HABP4: variants seen among roughly 807,000 people sequenced by gnomAD.
HABP4 encodes hyaluronan binding protein 4.
HABP4 carries 32 observed loss-of-function variants against 44.1 expected under a neutral mutation model. That is an observed-to-expected ratio of 0.73 (90% confidence interval 0.55 to 0.97). The LOEUF (loss-of-function observed/expected upper bound fraction) is 0.97. Ranked by LOEUF, HABP4 falls within the 50% of genes least tolerant of loss-of-function variation. The pLI, the probability that HABP4 is intolerant of heterozygous loss-of-function variation, is 0.00. For missense variants in HABP4, 503 were observed against 561.9 expected (o/e 0.90, Z 1.06); for synonymous variants, 216 against 218.0 (o/e 0.99, Z 0.08).
intron 1 of HABP4, among the ~76,000 whole-genome samples, chr9:96,451,695 A>G (rs76610907): frequency 1.3e-5 from 2 of 152,340 alleles, no homozygotes; most frequent in African/African-American, 2.4e-5. Context: ...ATCCAGAGTC[A>G]TCACTTGAGA....
rs373767335 is a variant in HABP4, at chr9:96,453,015, G to A, written c.349+2387G>A. On this transcript the variant is annotated intron_variant, in intron 1 of 7. Coordinates refer to ENST00000375249, the MANE Select transcript of HABP4 (RefSeq NM_014282.4). ...GGTTCACTGCAACCTCTACCTCCTGGGTTCAAGCGATTCTCCTGCCTCAGC... is the reference window on the plus strand; with the variant it reads ...GGTTCACTGCAACCTCTACCTCCTGAGTTCAAGCGATTCTCCTGCCTCAGC... 1.3e-4 allele frequency among the ~76,000 whole-genome samples: 19 copies of A among 145,478 alleles called. No homozygotes were observed. In the East Asian group the frequency reaches 2.4e-3, roughly 18 times the overall value.
In HABP4 at chr9:96,488,374, A is replaced by G. The variant is rs528533571; in HGVS notation, c.1185+100A>G. 1 of 736,734 alleles carries G rather than the reference A, an allele frequency of 1.4e-6. No homozygotes were observed. The highest frequency in any genetic ancestry group is 1.9e-5 in the South Asian group (1 of 53,078). 45.6% of individuals were successfully genotyped at this position (736,734 alleles called of 1,614,324 possible). A position where few individuals can be genotyped will look rare whatever the true frequency, so the allele number is the denominator to read the frequency against. On this transcript the variant is annotated intron_variant, in intron 7 of 7. Coordinates refer to ENST00000375249, the MANE Select transcript of HABP4 (RefSeq NM_014282.4). The surrounding 1 kb of genome is among the most constrained non-coding windows in gnomAD (Gnocchi z 4.6). Reference sequence around the variant, plus strand: ...CAGAGGGTCATGAGTTTCTGCAGTCACTTCTTTCTGTAGCTAGTGTGGGAC... The same window carrying G: ...CAGAGGGTCATGAGTTTCTGCAGTCGCTTCTTTCTGTAGCTAGTGTGGGAC...
At chr9:96,456,780 A>AAAAAAAAAAAT (rs1554724388) in intron 1 of HABP4, among the ~76,000 whole-genome samples, 1 of 44,772 alleles carries the variant, frequency 2.2e-5, no homozygotes, top group African/African-American at 9.0e-5. Context: ...AAAAAAAAAA[A>AAAAAAAAAAAT]ATATATATAT....
intron 4 of HABP4, among the ~76,000 whole-genome samples, chr9:96,470,317 G>C (rs991449793): frequency 6.6e-6 from 1 of 152,010 alleles, no homozygotes; most frequent in Non-Finnish European, 1.5e-5. Context: ...TTTTAGTAGA[G>C]ACAGGGTTTC....
chr9:96,455,086 T>G (rs538021068), intron 1 of HABP4, among the ~76,000 whole-genome samples: 2 of 152,226 alleles, frequency 1.3e-5, no homozygotes, highest in Admixed American at 1.3e-4. Flanking sequence ...ACCACTGCAG[T>G]CCAGCCTGGG....
At chr9:96,471,190 T>A in intron 5 of HABP4, 96 bp downstream of exon 5, 1 of 711,976 alleles carries the variant, frequency 1.4e-6, no homozygotes, top group South Asian at 1.6e-5. Flanking sequence ...TCACCCAGGC[T>A]GGAGTGCAAT....
chr9:96,483,441 C>A (rs1832914773), intron 5 of HABP4: 1 of 151,058 alleles, frequency 6.6e-6, no homozygotes. Flanking sequence ...AGTGGCCATT[C>A]ACACGTGTGA....
intron 5 of HABP4, among the ~76,000 whole-genome samples, chr9:96,476,751 G>C (rs1187293813): frequency 6.6e-6 from 1 of 152,226 alleles, no homozygotes; most frequent in Non-Finnish European, 1.5e-5. Flanking sequence ...GATTGTCATA[G>C]TGTGTGTTTG....
intron 5 of HABP4, 62 bp downstream of exon 5, chr9:96,471,156 T>G (rs1310215547): frequency 2.2e-6 from 2 of 925,566 alleles, no homozygotes; most frequent in East Asian, 4.8e-5. Flanking sequence ...TTTCTTTTTT[T>G]TTTTTGAGAT....
rs1171831796 is a variant in HABP4, at chr9:96,488,046, G to A, written c.1000-43G>A. ...CACTAAGCCAGATGAGTGTGGGGAT[G>A]GCTGTGGACTTGTGCGTGTTTGATG... On this transcript the variant is annotated intron_variant, in intron 6 of 7. Coordinates refer to ENST00000375249, the MANE Select transcript of HABP4 (RefSeq NM_014282.4). The surrounding 1 kb of genome is among the most constrained non-coding windows in gnomAD (Gnocchi z 4.6). The A allele has an allele frequency of 2.2e-6, 3 of 1,374,326 alleles. No individual in the cohort carries two copies. The highest frequency in any genetic ancestry group is 3.4e-5 in the Admixed American group (2 of 59,056). 85.1% of individuals were successfully genotyped at this position (1,374,326 alleles called of 1,614,324 possible). A position where few individuals can be genotyped will look rare whatever the true frequency, so the allele number is the denominator to read the frequency against.
At position 96,454,192 on chromosome 9, in the gene HABP4, A is replaced by G. The variant is rs936322114; in HGVS notation, c.349+3564A>G. Among the ~76,000 whole-genome samples, 7 of 152,366 alleles carry G rather than the reference A, an allele frequency of 4.6e-5. No individual in the cohort carries two copies. In the South Asian group the frequency reaches 8.3e-4, roughly 18 times the overall value. On this transcript the variant is annotated intron_variant, in intron 1 of 7. Transcript: ENST00000375249. ...AAGCAGAAAGGTGGGATAAGCACCT[A>G]TAAGTAATTCTGTAGTTGAGTGGAG...
intron 1 of HABP4, among the ~76,000 whole-genome samples, chr9:96,453,103 T>TC (rs995601492): frequency 2.8e-5 from 4 of 145,338 alleles, no homozygotes; most frequent in Non-Finnish European, 4.6e-5. Flanking sequence ...TTTTTTTTTT[T>TC]TTTTTTGAGA....
intron 1 of HABP4, among the ~76,000 whole-genome samples, chr9:96,457,265 C>T (rs540841694): frequency 7.2e-5 from 11 of 151,954 alleles, no homozygotes; most frequent in Admixed American, 1.3e-4. Flanking sequence ...AATCTCTACC[C>T]GGGAGGCGGA....
intron 3 of HABP4, 89 bp downstream of exon 3, chr9:96,465,587 A>G (rs1832586771): frequency 8.7e-7 from 1 of 1,150,504 alleles, no homozygotes; most frequent in African/African-American, 1.5e-5. Flanking sequence ...AGTTAACTTT[A>G]TAGTACTGTG....
intron 4 of HABP4, among the ~76,000 whole-genome samples, chr9:96,466,929 T>A (rs996565200): frequency 1.3e-5 from 2 of 150,730 alleles, no homozygotes; most frequent in African/African-American, 2.4e-5. Flanking sequence ...AAGCTTTTTT[T>A]TTTTTTTTTT....
chr9:96,471,272 A>T (rs1427582417), intron 5 of HABP4, among the ~76,000 whole-genome samples, 178 bp downstream of exon 5: 1 of 151,998 alleles, frequency 6.6e-6, no homozygotes, highest in Non-Finnish European at 1.5e-5. Context: ...TCTCCTGAGT[A>T]GTTGGGACAA....
In HABP4 at chr9:96,488,471, C is replaced by T. The variant is rs16910882; in HGVS notation, c.1185+197C>T. ...CCTAGAGACCGTTCTGTAGCCCTGG[C>T]TTCCAGGGTCTGCTGTGAAGGCACT... On this transcript the variant is annotated intron_variant, in intron 7 of 7. Coordinates refer to ENST00000375249, the MANE Select transcript of HABP4 (RefSeq NM_014282.4). This position sits in a 1 kb window ranked among gnomAD's most constrained non-coding sequence, Gnocchi z 4.6. Among the ~76,000 whole-genome samples the T allele has an allele frequency of 4.7e-3, 711 of 152,278 alleles. 9 individuals are homozygous for T. The highest frequency in any genetic ancestry group is 0.028 in the South Asian group (137 of 4,820).
intron 1 of HABP4, among the ~76,000 whole-genome samples, chr9:96,455,558 G>T (rs1024027666): frequency 3.9e-5 from 6 of 151,910 alleles, no homozygotes; most frequent in Admixed American, 3.3e-4. Context: ...GAGGTCTGGA[G>T]TTCGAGACCA....
In HABP4 at chr9:96,462,654, A is replaced by G. The variant is rs561071114; in HGVS notation, c.513-2683A>G. Among the ~76,000 whole-genome samples the G allele has an allele frequency of 3.3e-5, 5 of 151,800 alleles. No homozygotes were observed. The South Asian group carries it at 1.0e-3, about 32-fold the overall frequency. On this transcript the variant is annotated intron_variant, in intron 2 of 7. Transcript: ENST00000375249. Reference sequence around the variant, plus strand: ...AGAGAGTTTACTGTTGGCTGGGCACAGTGGCTTATACCCGTAGTCCTAGCA... The same window carrying G: ...AGAGAGTTTACTGTTGGCTGGGCACGGTGGCTTATACCCGTAGTCCTAGCA...
Sources: allele counts gnomAD v4.1 joint callset (sites outside exome capture counted in the v4.1 genomes callset), GRCh38; gene constraint gnomAD v4.1.1; non-coding constraint Gnocchi (gnomAD v3.1); transcripts MANE v1.5; gene names NCBI Gene and HGNC (gene_info 2026-07-23, HGNC 2026-07-21).